Variants in UPB1 observed in about 807,000 individuals in gnomAD.
UPB1 encodes the protein beta-ureidopropionase.
In UPB1, 40 loss-of-function variants were observed where a neutral mutation model predicts 49.1. The ratio of observed to expected loss-of-function variants is 0.81; its 90% CI spans 0.63 to 1.06. The LOEUF is 1.06. Among genes scored for constraint, UPB1 ranks in the 50% least tolerant of loss-of-function variants. UPB1 has a pLI of 0.00. For synonymous variants in UPB1, 207 were observed against 198.2 expected (o/e 1.04, Z -0.38); for missense variants, 499 against 505.9 (o/e 0.99, Z 0.13).
chr22:24,520,546 C>A (rs2044371410), intron 7 of UPB1, 78 bp downstream of exon 7: 2 of 1,511,674 alleles, frequency 1.3e-6, no homozygotes, highest in African/African-American at 1.4e-5. Context: ...CCTCTGCACA[C>A]ATGCCACAAA....
At chr22:24,522,936 T>C (rs948570961) in intron 8 of UPB1, among the ~76,000 whole-genome samples, 1 of 101,166 alleles carries the variant, frequency 9.9e-6, no homozygotes, top group Non-Finnish European at 1.9e-5. Context: ...AGGAGGGAAA[T>C]GCCACCTAAA....
intron 1 of UPB1, among the ~76,000 whole-genome samples, chr22:24,496,404 T>TAA (rs1220189424): frequency 7.9e-6 from 1 of 126,894 alleles, no homozygotes; most frequent in Non-Finnish European, 1.7e-5. Context: ...CACACACACA[T>TAA]ACACACACAC....
intron 3 of UPB1, among the ~76,000 whole-genome samples, chr22:24,504,914 T>C (rs1192401379): frequency 6.7e-6 from 1 of 148,466 alleles, no homozygotes; most frequent in Non-Finnish European, 1.5e-5. Context: ...ATTTTTTTTT[T>C]TTTTTTTTTT....
chr22:24,499,123 A>C (rs1277761405), intron 1 of UPB1, among the ~76,000 whole-genome samples: 2 of 152,208 alleles, frequency 1.3e-5, no homozygotes, highest in African/African-American at 4.8e-5. Flanking sequence ...AACCGAACTC[A>C]GAGCTGTCAG....
rs939534012 is a variant in UPB1 at position 24,527,949 on chromosome 22, T to A, written c.*2155T>A. The A allele has an allele frequency of 6.6e-6, 1 of 152,080 alleles. No homozygotes were observed. The highest frequency in any genetic ancestry group is 2.4e-5 in the African/African-American group (1 of 41,392). The allele number at this position is 152,080 out of a possible 1,614,324, so 9.4% of individuals were successfully genotyped here. On this transcript the variant is annotated 3_prime_UTR_variant, in exon 10 of 10. Coordinates refer to ENST00000326010, the MANE Select transcript of UPB1 (RefSeq NM_016327.3). ...TCCTGGCCAACATGGTGAAACCCCA[T>A]CTCTACTAAAAATACAAAAATTAGC... is the stretch of plus-strand genomic sequence containing the variant.
chr22:24,502,692 A>G lies in UPB1; in HGVS notation c.364+479A>G, dbSNP rs1348926874. 2.0e-5 allele frequency: 12 copies of G among 596,824 alleles called. No homozygotes were observed. In the Admixed American group the frequency reaches 2.4e-4, roughly 12 times the overall value. The allele number at this position is 596,824 out of a possible 1,614,324, so 37.0% of individuals were successfully genotyped here. A position where few individuals can be genotyped will look rare whatever the true frequency, so the allele number is the denominator to read the frequency against. On this transcript the variant is annotated intron_variant, in intron 3 of 9. Transcript: ENST00000326010. The stretch of plus-strand genomic sequence containing the variant: ...CAAGGTCTGTTACCAAAAAATAGCT[A>G]TTATCCCCAGCATCAACACTGAGCT...
At position 24,515,492 on chromosome 22, in the gene UPB1, G is replaced by A. The variant is rs913247230; in HGVS notation, c.791+122G>A. 1.3e-5 allele frequency: 17 copies of A among 1,337,942 alleles called. No individual in the cohort carries two copies. The Admixed American group carries it at 1.9e-4, about 15-fold the overall frequency. 82.9% of individuals were successfully genotyped at this position (1,337,942 alleles called of 1,614,324 possible). On this transcript the variant is annotated intron_variant, in intron 6 of 9. Transcript: ENST00000326010. ...CAGCCACCAGGATGTTAACAGAGCTGAGCCCCCAGGATTGCATGTTGTACA... is the reference window on the plus strand; with the variant it reads ...CAGCCACCAGGATGTTAACAGAGCTAAGCCCCCAGGATTGCATGTTGTACA...
rs1237768791 is a variant in UPB1 at position 24,527,659 on chromosome 22, C to T, written c.*1865C>T. The T allele has an allele frequency of 6.6e-6, 1 of 152,156 alleles. No individual in the cohort carries two copies. Among genetic ancestry groups the T allele is most frequent in the African/African-American group, 2.4e-5 (1 of 41,428 alleles). 9.4% of individuals were successfully genotyped at this position (152,156 alleles called of 1,614,324 possible). A position where few individuals can be genotyped will look rare whatever the true frequency, so the allele number is the denominator to read the frequency against. ...AGCAGCTGAACTATATGGAAACCTC[C>T]ATGTCAGGGCTAGGGTACTCCTGGA... On this transcript the variant is annotated 3_prime_UTR_variant, in exon 10 of 10. Transcript: ENST00000326010.
In UPB1 at chr22:24,513,471, G is replaced by A. The variant is rs763600616; in HGVS notation, c.607G>A (p.Gly203Ser). The A allele has an allele frequency of 1.2e-6, 2 of 1,614,048 alleles. No homozygotes were observed. Among genetic ancestry groups the A allele is most frequent in the South Asian group, 2.2e-5 (2 of 91,054 alleles). ...KTRKNHIPRV[G>S]DFNESTYYME... ...CAGGAAAAACCACATCCCCAGAGTG[G>A]GTGATTTCAACGAGGTGAGCCACCC... The change falls in exon 5 of 10, where the codon GGT (glycine) becomes AGT (serine). Residue 203 changes from glycine to serine, a missense_variant. Physicochemically the swap from Gly to Ser is moderately conservative, Grantham distance 56. Transcript: ENST00000326010.
intron 4 of UPB1, among the ~76,000 whole-genome samples, chr22:24,511,617 T>C (rs2044204946): frequency 1.1e-5 from 1 of 89,020 alleles, no homozygotes; most frequent in African/African-American, 4.1e-5. Context: ...TATATATATA[T>C]ATTTTTTTTT....
Position 24,513,341 on chromosome 22 carries a change from C to G in UPB1, c.477C>G (p.Asp159Glu). 6.2e-7 allele frequency: 1 copy of G among 1,614,180 alleles called. No homozygotes were observed. Among genetic ancestry groups the G allele is most frequent in the Non-Finnish European group, 8.5e-7 (1 of 1,180,036 alleles). ...TTTTCCAGCTGGCGAAGAACCATGA[C>G]ATGGTGGTGGTGTCTCCCATCCTGG... ...RFCQKLAKNH[D>E]MVVVSPILER... Residue 159 changes from aspartate (D) to glutamate (E), a missense_variant, in exon 5 of 10, where the codon GAC becomes GAG. By Grantham distance (45) the Asp-to-Glu change is conservative (BLOSUM62 2). Transcript: ENST00000326010.
chr22:24,502,479 C>T (rs2044012098), intron 3 of UPB1: 1 of 780,720 alleles, frequency 1.3e-6, no homozygotes, highest in Non-Finnish European at 2.4e-6. Context: ...AAGCCCCTGG[C>T]AGCTCACCTC....
At chr22:24,496,406 C>CAG (rs1379921420) in intron 1 of UPB1, among the ~76,000 whole-genome samples, 1 of 129,032 alleles carries the variant, frequency 7.8e-6, no homozygotes, top group Admixed American at 7.4e-5. Flanking sequence ...CACACACATA[C>CAG]ACACACACAC....
intron 3 of UPB1, among the ~76,000 whole-genome samples, chr22:24,508,159 C>G (rs1269269098): frequency 6.6e-6 from 1 of 152,134 alleles, no homozygotes; most frequent in Non-Finnish European, 1.5e-5. Flanking sequence ...TAAACACTGC[C>G]CCATCACATC....
Position 24,525,804 on chromosome 22 carries a change from G to C in UPB1, c.*10G>C. The C allele has an allele frequency of 6.2e-7, 1 of 1,614,228 alleles. No homozygotes were observed. The highest frequency in any genetic ancestry group is 8.5e-7 in the Non-Finnish European group (1 of 1,180,032). ...CATCGTGAAAGAGTAGCCGGCTTCA[G>C]TGCCTGCCTTGGGGTGAGGAAGACA... On this transcript the variant is annotated 3_prime_UTR_variant, in exon 10 of 10. Transcript: ENST00000326010.
At chr22:24,516,312 A>C (rs1243381973) in intron 6 of UPB1, among the ~76,000 whole-genome samples, 1 of 152,184 alleles carries the variant, frequency 6.6e-6, no homozygotes, top group African/African-American at 2.4e-5. Context: ...GTGGCCCCGG[A>C]AGCCCGAGAA....
At chr22:24,508,644 G>A (rs962236956) in intron 3 of UPB1, among the ~76,000 whole-genome samples, 10 of 152,024 alleles carry the variant, frequency 6.6e-5, no homozygotes, top group South Asian at 2.1e-4. Flanking sequence ...TTGGGAGGCC[G>A]AGGCAGCTGG....
chr22:24,499,659 G>A (rs1395220004), intron 1 of UPB1, among the ~76,000 whole-genome samples: 8 of 152,090 alleles, frequency 5.3e-5, no homozygotes, highest in African/African-American at 1.9e-4. Context: ...CATCCAACCT[G>A]TCTCCTGAGC....
In UPB1 at chr22:24,510,735, T is replaced by C; in HGVS notation, c.365-14T>C. 1.9e-6 allele frequency: 3 copies of C among 1,613,732 alleles called. No homozygotes were observed. Among genetic ancestry groups the C allele is most frequent in the Non-Finnish European group, 2.5e-6 (3 of 1,179,674 alleles). On this transcript the variant is annotated splice_polypyrimidine_tract_variant and intron_variant, in intron 3 of 9. Coordinates refer to ENST00000326010, the MANE Select transcript of UPB1 (RefSeq NM_016327.3). ...GCATGTTGGATATAATTCTGCCCTT[T>C]CTCCTATTTATAGCTATGCCCTTTG...
Sources: gnomAD v4.1 joint callset for allele counts (sites outside exome capture counted in the v4.1 genomes callset) on GRCh38, gnomAD v4.1.1 for gene constraint, MANE v1.5 for transcripts, NCBI Gene and HGNC (gene_info 2026-07-23, HGNC 2026-07-21) for gene names.